Variants in SMAGP observed in about 807,000 individuals in gnomAD.
The protein encoded by SMAGP is small cell transmembrane and glycosylated protein.
Under a neutral mutation model 10.1 loss-of-function variants are expected in SMAGP, and 7 were observed. The ratio of observed to expected loss-of-function variants is 0.70; its 90% confidence interval spans 0.40 to 1.31. The LOEUF (loss-of-function observed/expected upper bound fraction) is 1.31, where lower values mean the gene tolerates loss of function less well. SMAGP is among the 50% of genes most tolerant of loss of function. The pLI is 0.01. For synonymous variants in SMAGP, 49 were observed against 47.2 expected (o/e 1.04, Z -0.16); for missense variants, 113 against 116.5 (o/e 0.97, Z 0.14).
chr12:51,260,361 GTT>G (rs200895814), intron 2 of SMAGP, among the ~76,000 whole-genome samples: 1 of 151,588 alleles, frequency 6.6e-6, no homozygotes, highest in Non-Finnish European at 1.5e-5. Context: ...CCGGCTGATT[GTT>G]TTTTTTGTTG....
intron 2 of SMAGP, among the ~76,000 whole-genome samples, chr12:51,255,286 C>CT (rs1254701223): frequency 6.6e-6 from 1 of 152,198 alleles, no homozygotes; most frequent in East Asian, 1.9e-4. Context: ...GTTCTCCCTC[C>CT]TTGGCCTCCC....
chr12:51,246,715 C>CAG (rs1944777673), intron 3 of SMAGP, 36 bp downstream of exon 3: 1 of 1,485,008 alleles, frequency 6.7e-7, no homozygotes, highest in South Asian at 1.3e-5. Context: ...GCCCTTGATC[C>CAG]AGAAGGTCCC....
chr12:51,252,222 T>C (rs1417916365), intron 2 of SMAGP, among the ~76,000 whole-genome samples: 1 of 150,700 alleles, frequency 6.6e-6, no homozygotes, highest in East Asian at 1.9e-4. Context: ...GCCTCCCGAG[T>C]AGCTGGGACT....
chr12:51,258,984 C>CAAAAA (rs35000436), intron 2 of SMAGP, among the ~76,000 whole-genome samples: 2 of 50,978 alleles, frequency 3.9e-5, no homozygotes, highest in African/African-American at 7.6e-5. Flanking sequence ...CTGTCTCTAC[C>CAAAAA]AAAAAAAAAA....
intron 2 of SMAGP, among the ~76,000 whole-genome samples, chr12:51,265,397 T>C (rs544548602): frequency 3.9e-5 from 6 of 152,294 alleles, no homozygotes; most frequent in African/African-American, 1.4e-4. Context: ...AAGCAGGGTC[T>C]CAAGAAGATA....
At chr12:51,259,258 C>A (rs1157816880) in intron 2 of SMAGP, among the ~76,000 whole-genome samples, 1 of 152,152 alleles carries the variant, frequency 6.6e-6, no homozygotes, top group Non-Finnish European at 1.5e-5. Context: ...GCAGATCCTG[C>A]AGACCCAGGG....
chr12:51,251,153 G>C (rs1349993036), intron 2 of SMAGP, among the ~76,000 whole-genome samples: 1 of 152,178 alleles, frequency 6.6e-6, no homozygotes, highest in Admixed American at 6.5e-5. Context: ...TGTACATTAG[G>C]TTTAGTGTGG....
chr12:51,266,060 T>C (rs540097025), intron 2 of SMAGP, among the ~76,000 whole-genome samples: 4 of 151,200 alleles, frequency 2.6e-5, no homozygotes, highest in Admixed American at 6.6e-5. Flanking sequence ...CCAGCCTGGG[T>C]GACAGAGCGA....
In SMAGP at chr12:51,269,240, C is replaced by T. The variant is rs1232286632; in HGVS notation, c.34+5G>A. The T allele has an allele frequency of 3.1e-6, 5 of 1,613,870 alleles. No homozygotes were observed. Among genetic ancestry groups the T allele is most frequent in the South Asian group, 1.1e-5 (1 of 91,082 alleles). ...TCACTGGGATTAGGAAAGGCCTTCACCTACCTCTTGGAGAAGGAGTAGTCA... is the reference window on the plus strand; with the variant it reads ...TCACTGGGATTAGGAAAGGCCTTCATCTACCTCTTGGAGAAGGAGTAGTCA... On this transcript the variant is annotated splice_donor_5th_base_variant and intron_variant, in intron 2 of 3. Transcript: ENST00000603798.
rs546151715 is a variant in SMAGP at position 51,252,702 on chromosome 12, A to C, written c.35-5871T>G. Among the ~76,000 whole-genome samples, 7 of 150,370 alleles carry C rather than the reference A, an allele frequency of 4.7e-5. No homozygotes were observed. The East Asian group carries it at 1.4e-3, about 29-fold the overall frequency. ...CACATCGCCCCCCGAAGGACAATTT[A>C]AAAAGCATTATATTTGCAACAAGAA... On this transcript the variant is annotated intron_variant, in intron 2 of 3. Transcript: ENST00000603798.
At chr12:51,247,987 T>A (rs1944794803) in intron 2 of SMAGP, among the ~76,000 whole-genome samples, 1 of 151,984 alleles carries the variant, frequency 6.6e-6, no homozygotes, top group Non-Finnish European at 1.5e-5. Flanking sequence ...GGGTAAGAGT[T>A]TACCGGGTAA....
At chr12:51,266,378 T>C (rs1944974618) in intron 2 of SMAGP, among the ~76,000 whole-genome samples, 1 of 151,386 alleles carries the variant, frequency 6.6e-6, no homozygotes, top group African/African-American at 2.4e-5. Flanking sequence ...TACATGACAG[T>C]GGCCCCAAAG....
At chr12:51,248,430 A>T (rs868713220) in intron 2 of SMAGP, among the ~76,000 whole-genome samples, 50 of 91,478 alleles carry the variant, frequency 5.5e-4, no homozygotes, top group African/African-American at 2.6e-3. Flanking sequence ...ACACACACAC[A>T]CACACTCTCT....
At chr12:51,269,836 G>C (rs1469889337) in intron 1 of SMAGP, 2 of 152,386 alleles carry the variant, frequency 1.3e-5, no homozygotes, top group Non-Finnish European at 2.9e-5. Flanking sequence ...GCTCGCCTCG[G>C]ACGCTGGGAC....
chr12:51,244,659 A>G lies in SMAGP; in HGVS notation c.*1282T>C, dbSNP rs544975727. 6 of 152,280 alleles carry G rather than the reference A, an allele frequency of 3.9e-5. No homozygotes were observed. In the East Asian group the frequency reaches 9.6e-4, roughly 24 times the overall value. The allele number at this position is 152,280 out of a possible 1,614,324, so 9.4% of individuals were successfully genotyped here. ...TGCCTTTTAAACACAACTTATCTTG[A>G]GACTAAAATCCAAGAAGCTTCTTGG... On this transcript the variant is annotated 3_prime_UTR_variant, in exon 4 of 4. Transcript: ENST00000603798.
chr12:51,248,522 C>T (rs572191054), intron 2 of SMAGP, among the ~76,000 whole-genome samples: 109 of 150,140 alleles, frequency 7.3e-4, no homozygotes, highest in Non-Finnish European at 1.8e-4. Context: ...AGCCCGTTAG[C>T]CTTGTGTTAT....
Position 51,268,364 on chromosome 12 carries a change from G to A in SMAGP, c.34+881C>T, listed in dbSNP as rs186393638. On this transcript the variant is annotated intron_variant, in intron 2 of 3. Coordinates refer to ENST00000603798, the MANE Select transcript of SMAGP (RefSeq NM_001031628.2). ...ATAGGTACTATTTTCCCTATTTTGT[G>A]AATGATGAAACCGGAGCTTAGAGGT... Among the ~76,000 whole-genome samples, 73 of 152,026 alleles carry A rather than the reference G, an allele frequency of 4.8e-4. 1 individual carries two copies. The highest frequency in any genetic ancestry group is 4.8e-3 in the Admixed American group (73 of 15,212).
intron 2 of SMAGP, among the ~76,000 whole-genome samples, chr12:51,248,978 GCTGAGGAATGAGAAT>G (rs1944811338): frequency 6.6e-6 from 1 of 150,990 alleles, no homozygotes; most frequent in Non-Finnish European, 1.5e-5. Flanking sequence ...TACTTGGGAG[GCTGAGGAATGAGAAT>G]CGCTTGAGCC....
chr12:51,250,499 TG>T (rs1565657209), intron 2 of SMAGP, among the ~76,000 whole-genome samples: 11 of 89,086 alleles, frequency 1.2e-4, no homozygotes, highest in African/African-American at 3.2e-4. Flanking sequence ...GTTGTTGTTG[TG>T]TTTTTTTTTT....
Sources: gnomAD v4.1 joint callset for allele counts (sites outside exome capture counted in the v4.1 genomes callset) on GRCh38, gnomAD v4.1.1 for gene constraint, MANE v1.5 for transcripts, NCBI Gene and HGNC (gene_info 2026-07-23, HGNC 2026-07-21) for gene names.